The following COL25A1 variants were observed in gnomAD, a reference collection of about 807,000 sequenced individuals.
COL25A1 encodes collagen type XXV alpha 1 chain, also known as collagen alpha-1(XXV) chain.
Under a neutral mutation model 128.4 loss-of-function variants are expected in COL25A1, and 103 were observed. The ratio of observed to expected loss-of-function variants is 0.80; its 90% CI spans 0.68 to 0.94. The LOEUF (loss-of-function observed/expected upper bound fraction) is 0.94, where lower values mean the gene tolerates loss of function less well. COL25A1 is among the 40% of genes least tolerant of loss of function. The pLI is 0.00. For missense variants in COL25A1, 745 were observed against 840.0 expected, an observed-to-expected ratio of 0.89 and a Z score of 1.40; for synonymous variants, 279 against 277.2, an observed-to-expected ratio of 1.01 and a Z score of -0.06.
chr4:109,273,396 G>C (rs1001552111), intron 3 of COL25A1, among the ~76,000 whole-genome samples: 3 of 152,080 alleles, frequency 2.0e-5, no homozygotes, highest in African/African-American at 7.2e-5. Context: ...GCCATGCAGA[G>C]TCTTATACAG....
intron 3 of COL25A1, among the ~76,000 whole-genome samples, chr4:109,080,965 G>A (rs1235326350): frequency 6.6e-6 from 1 of 152,188 alleles, no homozygotes; most frequent in Non-Finnish European, 1.5e-5. Context: ...GTTCTGGGAA[G>A]AGTAGTAGTA....
intron 3 of COL25A1, among the ~76,000 whole-genome samples, chr4:109,300,141 T>C (rs1463959058): frequency 1.3e-5 from 2 of 151,018 alleles, no homozygotes; most frequent in African/African-American, 4.9e-5. Context: ...GTGAAGGTGG[T>C]TTACTAACAT....
intron 25 of COL25A1, among the ~76,000 whole-genome samples, chr4:108,852,612 C>A (rs141216790): frequency 6.6e-6 from 1 of 152,206 alleles, no homozygotes; most frequent in East Asian, 1.9e-4. Context: ...ACATACACTC[C>A]TTACCCCTCC....
At chr4:109,166,683 C>A (rs1258531037) in intron 3 of COL25A1, among the ~76,000 whole-genome samples, 1 of 152,176 alleles carries the variant, frequency 6.6e-6, no homozygotes, top group Non-Finnish European at 1.5e-5. Context: ...AAAAGATTTC[C>A]TGGCACTGTG....
At chr4:109,298,512 C>T (rs936842142) in intron 3 of COL25A1, among the ~76,000 whole-genome samples, 1 of 152,190 alleles carries the variant, frequency 6.6e-6, no homozygotes, top group Non-Finnish European at 1.5e-5. Context: ...TAGGTGACAA[C>T]TCTTAGTCAC....
chr4:109,250,304 G>T (rs944685582), intron 3 of COL25A1, among the ~76,000 whole-genome samples: 1 of 149,564 alleles, frequency 6.7e-6, no homozygotes, highest in Non-Finnish European at 1.5e-5. Context: ...AAATATCTGG[G>T]GGGGGAGGTA....
intron 3 of COL25A1, among the ~76,000 whole-genome samples, chr4:109,102,696 C>T (rs1175263309): frequency 6.6e-6 from 1 of 152,130 alleles, no homozygotes; most frequent in African/African-American, 2.4e-5. Context: ...GTTACATATA[C>T]ATTTAGGATT....
intron 3 of COL25A1, among the ~76,000 whole-genome samples, chr4:109,093,904 C>T (rs1186450509): frequency 7.1e-6 from 1 of 141,832 alleles, no homozygotes; most frequent in Non-Finnish European, 1.6e-5. Flanking sequence ...TTTCTCACTG[C>T]AAAAAAAAAA....
At chr4:108,995,706 G>C (rs1754702212) in intron 6 of COL25A1, among the ~76,000 whole-genome samples, 1 of 152,112 alleles carries the variant, frequency 6.6e-6, no homozygotes, top group African/African-American at 2.4e-5. Flanking sequence ...AAATGTTAAG[G>C]GCAGCCAGAG....
intron 3 of COL25A1, among the ~76,000 whole-genome samples, chr4:109,266,407 C>T (rs1443656139): frequency 1.3e-5 from 2 of 152,040 alleles, no homozygotes; most frequent in Admixed American, 1.3e-4. Flanking sequence ...GACAATGGAG[C>T]GATTTGAAGA....
intron 3 of COL25A1, among the ~76,000 whole-genome samples, chr4:109,054,036 A>G (rs566816471): frequency 6.6e-6 from 1 of 152,344 alleles, no homozygotes; most frequent in East Asian, 1.9e-4. Context: ...TTAGATAATA[A>G]ATTCCTGACT....
At chr4:109,257,742 G>A (rs1467261351) in intron 3 of COL25A1, among the ~76,000 whole-genome samples, 1 of 152,128 alleles carries the variant, frequency 6.6e-6, no homozygotes, top group Non-Finnish European at 1.5e-5. Context: ...CAGATTAAAG[G>A]TAATGGGACA....
chr4:108,963,645 A>G (rs981376827), intron 8 of COL25A1, among the ~76,000 whole-genome samples: 1 of 152,128 alleles, frequency 6.6e-6, no homozygotes, highest in Non-Finnish European at 1.5e-5. Flanking sequence ...TAAATATAAG[A>G]CAAAGAATAA....
intron 3 of COL25A1, among the ~76,000 whole-genome samples, chr4:109,129,573 G>C (rs1468747686): frequency 3.3e-5 from 5 of 152,170 alleles, no homozygotes; most frequent in Admixed American, 6.5e-5. Context: ...AAAATGTTTA[G>C]AGTGGACAAT....
At chr4:109,065,541 C>T (rs1463405151) in intron 3 of COL25A1, among the ~76,000 whole-genome samples, 9 of 133,558 alleles carry the variant, frequency 6.7e-5, no homozygotes, top group South Asian at 2.3e-4. Context: ...CACGCGCGCG[C>T]GCGCGTGTGT....
chr4:109,047,863 G>T (rs1327582575), intron 5 of COL25A1, among the ~76,000 whole-genome samples: 1 of 151,136 alleles, frequency 6.6e-6, no homozygotes, highest in Non-Finnish European at 1.5e-5. Flanking sequence ...CGCCCGAGTA[G>T]CTGGGACTAC....
intron 18 of COL25A1, 53 bp downstream of exon 18, chr4:108,889,168 T>C: frequency 6.9e-7 from 1 of 1,439,414 alleles, no homozygotes; most frequent in Non-Finnish European, 9.8e-7. Context: ...GGATGGTAGA[T>C]ATAAAATGGT....
intron 5 of COL25A1, among the ~76,000 whole-genome samples, chr4:109,036,765 A>C (rs892931248): frequency 6.6e-6 from 1 of 152,214 alleles, no homozygotes; most frequent in Non-Finnish European, 1.5e-5. Context: ...AGATATATAC[A>C]TTCAGTCATT....
At position 108,969,359 on chromosome 4, in the gene COL25A1, C is replaced by T. The variant is rs207464947; in HGVS notation, c.492+5008G>A. ...CCTCTCTATCCTTCCTGCTGATATA[C>T]GCCTAGATGCAATGGTTGGACTTGA... On this transcript the variant is annotated intron_variant, in intron 8 of 37. Transcript: ENST00000399132. 9.9e-5 allele frequency among the ~76,000 whole-genome samples: 15 copies of T among 152,270 alleles called. No individual in the cohort carries two copies. The South Asian group carries it at 2.5e-3, about 25-fold the overall frequency.
Sources: gnomAD v4.1 joint callset for allele counts (sites outside exome capture counted in the v4.1 genomes callset) on GRCh38, gnomAD v4.1.1 for gene constraint, MANE v1.5 for transcripts, NCBI Gene and HGNC (gene_info 2026-07-23, HGNC 2026-07-21) for gene names.